Variants in MACF1 observed in about 807,000 individuals in gnomAD.
The protein encoded by MACF1 is microtubule actin crosslinking factor 1.
MACF1 carries 193 observed loss-of-function variants against 854.8 expected under a neutral mutation model. The ratio of observed to expected loss-of-function variants is 0.23; its 90% CI spans 0.20 to 0.25. The LOEUF is 0.25. Ranked by LOEUF, MACF1 falls within the 10% of genes least tolerant of loss-of-function variation. MACF1 has a pLI of 1.00. For synonymous variants in MACF1, 3,185 were observed against 3,226.7 expected (o/e 0.99, Z 0.44); for missense variants, 7,722 against 8,929.1 (o/e 0.86, Z 5.45).
rs1443315890 is a variant in MACF1, at chr1:39,322,679, T to C, written c.4101T>C (p.Arg1367=). 6.2e-7 allele frequency: 1 copy of C among 1,614,014 alleles called. No homozygotes were observed. Among genetic ancestry groups the C allele is most frequent in the African/African-American group, 1.3e-5 (1 of 74,916 alleles). Residue 1367 remains arginine, a synonymous_variant, in exon 32 of 101, where the codon CGT becomes CGC. Transcript: ENST00000564288. ...AGCAGAAATCCCCTGGCAAGCGCCGTCGCATGCTTTCCTCTTCAGATGCCA... is the reference window on the plus strand; with the variant it reads ...AGCAGAAATCCCCTGGCAAGCGCCGCCGCATGCTTTCCTCTTCAGATGCCA... The part of the protein sequence containing the change: ...ESQQKSPGKR[R]RMLSSSDAIT...
chr1:39,438,138 A>G, intron 71 of MACF1, 130 bp downstream of exon 71: 1 of 807,298 alleles, frequency 1.2e-6, no homozygotes, highest in South Asian at 1.8e-5. Flanking sequence ...AGTATTCCAG[A>G]AAGTCACTGG....
At chr1:39,429,155 A>G in intron 63 of MACF1, 87 bp from the exon 64 acceptor site, 1 of 675,534 alleles carries the variant, frequency 1.5e-6, no homozygotes, top group Non-Finnish European at 2.6e-6. Context: ...TCATCTCTTT[A>G]CTTTAAATTT....
chr1:39,255,093 A>G (rs983821796), intron 5 of MACF1, among the ~76,000 whole-genome samples: 1 of 151,938 alleles, frequency 6.6e-6, no homozygotes, highest in African/African-American at 2.4e-5. Flanking sequence ...TGGACAGGTA[A>G]ATGACCTGCC....
At chr1:39,393,827 CAGAG>C (rs1372518144) in intron 58 of MACF1, among the ~76,000 whole-genome samples, 5 of 116,678 alleles carry the variant, frequency 4.3e-5, no homozygotes, top group Middle Eastern at 4.1e-3. Flanking sequence ...GAAAGAAAGA[CAGAG>C]AGAGAGGGAG....
At chr1:39,229,132 A>G (rs1475530119) in intron 1 of MACF1, among the ~76,000 whole-genome samples, 1 of 152,232 alleles carries the variant, frequency 6.6e-6, no homozygotes, top group African/African-American at 2.4e-5. Context: ...AGATTTGGAG[A>G]GACCTTTCAA....
chr1:39,163,356 A>AAAAAAG (rs1643843007), intron 2 of MACF1, among the ~76,000 whole-genome samples: 3 of 150,548 alleles, frequency 2.0e-5, no homozygotes, highest in Admixed American at 2.0e-4. Flanking sequence ...AAAAAAAAAA[A>AAAAAAG]AAAAGAAAAG....
chr1:39,084,205 C>A lies in MACF1; in HGVS notation c.-14C>A, dbSNP rs752129552. On this transcript the variant is annotated 5_prime_UTR_variant, in exon 2 of 94. Transcript: ENST00000361689. The surrounding 1 kb of genome is among the most constrained non-coding windows in gnomAD (Gnocchi z 5.2). ...GGGCTCCCAGGCCCTCCTGCAGCAG[C>A]CCCCGCCTGGGCCATGTCTTCCTCA... The A allele has an allele frequency of 1.9e-6, 3 of 1,610,410 alleles. No individual in the cohort carries two copies. The East Asian group carries it at 6.7e-5, about 36-fold the overall frequency.
At chr1:39,388,711 A>G in intron 58 of MACF1, 53 bp downstream of exon 58, 1 of 1,477,348 alleles carries the variant, frequency 6.8e-7, no homozygotes, top group Non-Finnish European at 9.0e-7. Context: ...ATTTGCTTGT[A>G]ACTTGGAAAC....
Position 39,442,017 on chromosome 1 carries a change from C to T in MACF1, c.18738C>T (p.Asp6246=), listed in dbSNP as rs754638644. 3.7e-6 allele frequency: 6 copies of T among 1,613,944 alleles called. No homozygotes were observed. The highest frequency in any genetic ancestry group is 5.1e-6 in the Non-Finnish European group (6 of 1,179,964). Reference sequence around the variant, plus strand: ...GCACCATGCCCCCTGTTGGCACTGACCTCAATACTGTTAAAGATCAGTTAA... The same window carrying T: ...GCACCATGCCCCCTGTTGGCACTGATCTCAATACTGTTAAAGATCAGTTAA... The part of the protein sequence containing the change: ...KLCTMPPVGT[D]LNTVKDQLNE... Residue 6246 remains aspartate, a synonymous_variant, in exon 75 of 101, where the codon GAC becomes GAT. Transcript: ENST00000564288.
intron 40 of MACF1, among the ~76,000 whole-genome samples, chr1:39,345,012 C>T (rs1294720278): frequency 6.6e-6 from 1 of 152,078 alleles, no homozygotes; most frequent in Non-Finnish European, 1.5e-5. Flanking sequence ...ATGCCCTGCT[C>T]ATATCTGCCT....
At chr1:39,475,616 G>T (rs1047141122) in intron 97 of MACF1, among the ~76,000 whole-genome samples, 1 of 152,134 alleles carries the variant, frequency 6.6e-6, no homozygotes, top group African/African-American at 2.4e-5. Flanking sequence ...TGAGTACAAG[G>T]GGGCATGCAC....
intron 55 of MACF1, among the ~76,000 whole-genome samples, chr1:39,381,111 G>A (rs957524712): frequency 5.3e-5 from 8 of 151,934 alleles, no homozygotes; most frequent in African/African-American, 1.9e-4. Flanking sequence ...AGGCTAGAGT[G>A]CAATGGCATG....
intron 6 of MACF1, chr1:39,269,173 CAGTG>C (rs1351945475): frequency 7.8e-7 from 1 of 1,289,970 alleles, no homozygotes. Flanking sequence ...TGCGAGAAGT[CAGTG>C]AGCCAACTGG....
intron 37 of MACF1, 28 bp from the exon 38 acceptor site, chr1:39,337,154 T>C: frequency 6.2e-7 from 1 of 1,600,574 alleles, no homozygotes; most frequent in Non-Finnish European, 8.5e-7. Context: ...ACGTCAGAAC[T>C]GAGTCAGCTT....
Position 39,463,602 on chromosome 1 carries a change from C to T in MACF1, c.21679-10C>T, listed in dbSNP as rs781377173. 4 of 1,610,436 alleles carry T rather than the reference C, an allele frequency of 2.5e-6. No individual in the cohort carries two copies. In the Admixed American group the frequency reaches 5.0e-5, roughly 20 times the overall value. ...CCCTTTACACTTTCCTTTTTGTTCACACCCAATAGGTTACAAGACAAGTGG... is the reference window on the plus strand; with the variant it reads ...CCCTTTACACTTTCCTTTTTGTTCATACCCAATAGGTTACAAGACAAGTGG... On this transcript the variant is annotated splice_polypyrimidine_tract_variant and intron_variant, in intron 93 of 100. Coordinates refer to ENST00000564288, the MANE Select transcript of MACF1 (RefSeq NM_001394062.1).
At chr1:39,279,006 C>T (rs1488794264) in intron 6 of MACF1, among the ~76,000 whole-genome samples, 1 of 152,210 alleles carries the variant, frequency 6.6e-6, no homozygotes, top group Non-Finnish European at 1.5e-5. Flanking sequence ...TGGCCACTTA[C>T]TGCTTTTGTT....
chr1:39,159,856 G>C (rs1643761368), intron 2 of MACF1, among the ~76,000 whole-genome samples: 1 of 152,120 alleles, frequency 6.6e-6, no homozygotes, highest in South Asian at 2.1e-4. Context: ...AGGGAGGAAA[G>C]GAGTAAACTG....
chr1:39,125,163 G>C (rs1487334657), intron 2 of MACF1, among the ~76,000 whole-genome samples: 5 of 152,172 alleles, frequency 3.3e-5, no homozygotes, highest in Non-Finnish European at 7.3e-5. Context: ...GGAGGGATTA[G>C]ATGAGATTTG....
At position 39,335,367 on chromosome 1, in the gene MACF1, A is replaced by G. The variant is rs267598591; in HGVS notation, c.8779A>G (p.Thr2927Ala). 2 of 1,613,470 alleles carry G rather than the reference A, an allele frequency of 1.2e-6. No individual in the cohort carries two copies. The highest frequency in any genetic ancestry group is 1.3e-5 in the African/African-American group (1 of 74,930). ...AATTATTTCTCATATGAAGCAGTCTACCTCATGTCTAGATTCTGAAGAAAT... is the reference window on the plus strand; with the variant it reads ...AATTATTTCTCATATGAAGCAGTCTGCCTCATGTCTAGATTCTGAAGAAAT... ...IEIISHMKQS[T>A]SCLDSEEIRE... Residue 2927 changes from threonine (T) to alanine (A), a missense_variant, in exon 37 of 101, where the codon ACC (threonine) becomes GCC (alanine). Coordinates refer to ENST00000564288, the MANE Select transcript of MACF1 (RefSeq NM_001394062.1).
Sources: gnomAD v4.1 joint callset for allele counts (sites outside exome capture counted in the v4.1 genomes callset) on GRCh38, gnomAD v4.1.1 for gene constraint, Gnocchi (gnomAD v3.1) non-coding constraint, MANE v1.5 for transcripts, NCBI Gene and HGNC (gene_info 2026-07-23, HGNC 2026-07-21) for gene names.